Variants in SLC4A4 observed in about 807,000 individuals in gnomAD.
The protein encoded by SLC4A4 is electrogenic sodium bicarbonate cotransporter 1.
Under a neutral mutation model 111.5 loss-of-function variants are expected in SLC4A4, and 27 were observed. That is an observed-to-expected ratio of 0.24 (90% CI 0.18 to 0.33). SLC4A4 has a LOEUF of 0.33. SLC4A4 is among the 10% of genes least tolerant of loss of function. SLC4A4 has a pLI of 1.00. For missense variants in SLC4A4, 909 were observed against 1,315.5 expected (o/e 0.69, Z 4.78); for synonymous variants, 443 against 463.4 (o/e 0.96, Z 0.57).
chr4:71,437,080 A>C (rs1724227083), intron 7 of SLC4A4: 2 of 427,770 alleles, frequency 4.7e-6, no homozygotes, highest in Non-Finnish European at 9.3e-6. Flanking sequence ...ACAGGCAATC[A>C]CTTCTTTGTG....
intron 1 of SLC4A4, among the ~76,000 whole-genome samples, chr4:71,080,506 C>G (rs1741963803): frequency 6.6e-6 from 1 of 152,106 alleles, no homozygotes; most frequent in Non-Finnish European, 1.5e-5. Flanking sequence ...TGAGTGTTTT[C>G]CCTTCCAAGT....
At chr4:71,338,052 C>T (rs555931595) in intron 3 of SLC4A4, among the ~76,000 whole-genome samples, 143 of 152,130 alleles carry the variant, frequency 9.4e-4, no homozygotes, top group African/African-American at 3.3e-3. Context: ...AGGCTGGTCT[C>T]GAACTCCTGA....
intron 14 of SLC4A4, among the ~76,000 whole-genome samples, chr4:71,482,834 A>T (rs1248688165): frequency 6.6e-6 from 1 of 151,526 alleles, no homozygotes; most frequent in Non-Finnish European, 1.5e-5. Flanking sequence ...TCTGATTTTG[A>T]TGGTTAGAAA....
At chr4:71,517,487 CTG>C (rs1216849899) in intron 16 of SLC4A4, among the ~76,000 whole-genome samples, 2 of 151,978 alleles carry the variant, frequency 1.3e-5, no homozygotes, top group Admixed American at 6.6e-5. Flanking sequence ...ATTTCAGTCT[CTG>C]TTACATTTCT....
At chr4:71,337,900 G>T (rs1728563012) in intron 3 of SLC4A4, among the ~76,000 whole-genome samples, 1 of 151,838 alleles carries the variant, frequency 6.6e-6, no homozygotes, top group African/African-American at 2.4e-5. Flanking sequence ...CATGATCTCG[G>T]CTCACTGCAA....
At chr4:71,457,833 G>A (rs1247334147) in intron 12 of SLC4A4, among the ~76,000 whole-genome samples, 2 of 151,952 alleles carry the variant, frequency 1.3e-5, no homozygotes, top group Non-Finnish European at 2.9e-5. Context: ...AAAATTCATC[G>A]ATGTGCAAAT....
At chr4:71,405,940 A>G (rs1720801344) in intron 7 of SLC4A4, among the ~76,000 whole-genome samples, 1 of 113,818 alleles carries the variant, frequency 8.8e-6, no homozygotes, top group African/African-American at 3.3e-5. Context: ...TGAAAAGTGC[A>G]GTGGCCATAT....
chr4:71,070,236 A>G (rs961144033), intron 1 of SLC4A4, among the ~76,000 whole-genome samples: 2 of 152,196 alleles, frequency 1.3e-5, no homozygotes, highest in Non-Finnish European at 2.9e-5. Context: ...CTATAGTAAC[A>G]AACTGCAAAG....
At chr4:71,110,090 C>T (rs953081443) in intron 2 of SLC4A4, among the ~76,000 whole-genome samples, 2 of 152,162 alleles carry the variant, frequency 1.3e-5, no homozygotes, top group Non-Finnish European at 2.9e-5. Flanking sequence ...GTTCCAAAAT[C>T]GTTGCATCAG....
chr4:71,162,361 T>C (rs1162661337), intron 2 of SLC4A4, among the ~76,000 whole-genome samples: 1 of 152,208 alleles, frequency 6.6e-6, no homozygotes, highest in African/African-American at 2.4e-5. Context: ...GTTGTGCTCT[T>C]GCCACAAAGT....
chr4:71,527,957 AT>A lies in SLC4A4; in HGVS notation c.2167-4104del, dbSNP rs536696002. On this transcript the variant is annotated intron_variant, in intron 16 of 25. Coordinates refer to ENST00000264485, the MANE Select transcript of SLC4A4 (RefSeq NM_001098484.3). ...AAAGTCTGAACTCTGGAACACTGCA[AT>A]CTCAAGAGTTTGGAGGAGTTGAAAG... Among the ~76,000 whole-genome samples, 16 of 152,202 alleles carry A rather than the reference AT, an allele frequency of 1.1e-4. 1 individual carries two copies. The East Asian group carries it at 2.5e-3, about 24-fold the overall frequency.
At chr4:71,157,583 C>A (rs547709289) in intron 2 of SLC4A4, among the ~76,000 whole-genome samples, 3 of 152,174 alleles carry the variant, frequency 2.0e-5, no homozygotes, top group African/African-American at 4.8e-5. Context: ...ATGTAATGTA[C>A]AAATTCATAG....
intron 2 of SLC4A4, among the ~76,000 whole-genome samples, chr4:71,163,802 G>A (rs2579343): frequency 1 from 151,949 of 152,364 alleles, 75,772 homozygotes; most frequent in Middle Eastern, 1. Context: ...GACAAAGAAT[G>A]TATGGCTGGC....
intron 1 of SLC4A4, among the ~76,000 whole-genome samples, chr4:71,203,512 C>T (rs1476074814): frequency 6.6e-6 from 1 of 152,172 alleles, no homozygotes; most frequent in Non-Finnish European, 1.5e-5. Context: ...GGGTCCTGCT[C>T]ATGACTCCCA....
At position 71,063,246 on chromosome 4, in the gene SLC4A4, G is replaced by A. The variant is rs115921042; in HGVS notation, c.-65+458G>A. On this transcript the variant is annotated intron_variant, in intron 1 of 26. Coordinates refer to the SLC4A4 transcript ENST00000649996. The stretch of plus-strand genomic sequence containing the variant: ...ACGAGCATACATGTGGGCATTTTAC[G>A]AATAATACAATTTAACCAATTTTAT... 3.9e-5 allele frequency among the ~76,000 whole-genome samples: 6 copies of A among 152,234 alleles called. No homozygotes were observed. In the South Asian group the frequency reaches 6.2e-4, roughly 16 times the overall value.
chr4:71,135,033 G>C (rs972526044), intron 2 of SLC4A4, among the ~76,000 whole-genome samples: 1 of 152,106 alleles, frequency 6.6e-6, no homozygotes, highest in Non-Finnish European at 1.5e-5. Context: ...CCATCGCTGG[G>C]CTCCGATAAG....
Position 71,380,587 on chromosome 4 carries a change from A to C in SLC4A4, c.731-16990A>C, listed in dbSNP as rs577458461. ...ATCTGGGTCCTGGCCTGAGGACATA[A>C]ATGCAGAACCAACCCCCAGCCAATC... On this transcript the variant is annotated intron_variant, in intron 6 of 25. Coordinates refer to ENST00000264485, the MANE Select transcript of SLC4A4 (RefSeq NM_001098484.3). Among the ~76,000 whole-genome samples the C allele has an allele frequency of 1.4e-4, 22 of 152,318 alleles. 1 individual carries two copies. In the South Asian group the frequency reaches 4.6e-3, roughly 32 times the overall value.
intron 2 of SLC4A4, among the ~76,000 whole-genome samples, chr4:71,241,447 G>C (rs557006444): frequency 1.9e-4 from 29 of 152,112 alleles, no homozygotes; most frequent in Non-Finnish European, 3.4e-4. Context: ...CCTATTTCTT[G>C]CTAGAGGATA....
chr4:71,084,160 G>A (rs1486555947), intron 1 of SLC4A4, among the ~76,000 whole-genome samples: 1 of 151,872 alleles, frequency 6.6e-6, no homozygotes, highest in African/African-American at 2.4e-5. Flanking sequence ...GATGTGTTGA[G>A]GATTCGATAT....
Sources: allele counts gnomAD v4.1 joint callset (sites outside exome capture counted in the v4.1 genomes callset), GRCh38; gene constraint gnomAD v4.1.1; transcripts MANE v1.5; gene names NCBI Gene and HGNC (gene_info 2026-07-23, HGNC 2026-07-21).